ZNF821: variants seen among roughly 807,000 people sequenced by gnomAD.
The protein encoded by ZNF821 is zinc finger protein 821.
A neutral mutation model predicts 44.3 loss-of-function variants in ZNF821; 16 were observed. The ratio of observed to expected loss-of-function variants is 0.36; its 90% CI spans 0.24 to 0.55. The LOEUF is 0.55. Among genes scored for constraint, ZNF821 ranks in the 20% least tolerant of loss-of-function variants. The probability of loss-of-function intolerance (pLI) is 0.86; values close to 1 mark genes in which losing one functional copy is unlikely to be tolerated. For synonymous variants in ZNF821, 204 were observed against 197.6 expected, an observed-to-expected ratio of 1.03 and a Z score of -0.27; for missense variants, 436 against 547.6, an observed-to-expected ratio of 0.80 and a Z score of 2.03.
At position 71,864,958 on chromosome 16, in the gene ZNF821, T is replaced by G; in HGVS notation, c.257A>C (p.Lys86Thr). The G allele has an allele frequency of 6.2e-7, 1 of 1,614,122 alleles. No homozygotes were observed. The highest frequency in any genetic ancestry group is 8.5e-7 in the Non-Finnish European group (1 of 1,180,024). Reference sequence around the variant, plus strand: ...AGGCTGTTCTGTATTTTCTAACTCTTTCTCCACTTTGACCACCCCTCCATC... The same window carrying G: ...AGGCTGTTCTGTATTTTCTAACTCTGTCTCCACTTTGACCACCCCTCCATC... ...EEDGGVVKVE[K>T]ELENTEQPVG... Residue 86 changes from lysine to threonine, a missense_variant, in exon 5 of 8, where the codon AAA (lysine) becomes ACA (threonine). Lys to Thr is a moderately conservative substitution (Grantham distance 78, BLOSUM62 -1). This residue lies in a region of ZNF821 where 238 missense variants were observed against 281.4 expected (regional missense o/e 0.85). Coordinates refer to ENST00000425432, the MANE Select transcript of ZNF821 (RefSeq NM_001201552.2).
chr16:71,873,474 G>A (rs897332371), intron 3 of ZNF821, among the ~76,000 whole-genome samples: 2 of 152,152 alleles, frequency 1.3e-5, no homozygotes, highest in African/African-American at 4.8e-5. Context: ...TGTTAATGAA[G>A]TGAAGTGGGC....
At chr16:71,890,933 G>C (rs1188681179) in intron 1 of ZNF821, among the ~76,000 whole-genome samples, 1 of 151,724 alleles carries the variant, frequency 6.6e-6, no homozygotes, top group Non-Finnish European at 1.5e-5. Context: ...ACCACGCCCA[G>C]CTAATTTTTT....
chr16:71,880,062 C>G (rs970513361), intron 2 of ZNF821, 39 bp from the exon 3 acceptor site: 3 of 947,472 alleles, frequency 3.2e-6, no homozygotes, highest in Non-Finnish European at 4.6e-6. Flanking sequence ...ATGTCATTTT[C>G]CCCAGCAGTT....
At chr16:71,879,540 G>A (rs1355704521) in intron 3 of ZNF821, among the ~76,000 whole-genome samples, 5 of 151,916 alleles carry the variant, frequency 3.3e-5, no homozygotes, top group Non-Finnish European at 7.4e-5. Flanking sequence ...TATATCTGAG[G>A]TTACAATACG....
intron 3 of ZNF821, among the ~76,000 whole-genome samples, chr16:71,871,095 G>A (rs76599521): frequency 0.037 from 5,651 of 152,222 alleles, 325 homozygotes; most frequent in African/African-American, 0.13. Flanking sequence ...GAGCTCAAAA[G>A]TTATTTTTTT....
chr16:71,894,292 C>T (rs2036921465), intron 1 of ZNF821: 1 of 151,104 alleles, frequency 6.6e-6, no homozygotes, highest in Non-Finnish European at 1.5e-5. Flanking sequence ...AGACGTTTCG[C>T]TCTTGTTGCC....
In ZNF821 at chr16:71,863,039, G is replaced by A. The variant is rs1323472506; in HGVS notation, c.418-1097C>T. On this transcript the variant is annotated intron_variant, in intron 6 of 7. Coordinates refer to ENST00000425432, the MANE Select transcript of ZNF821 (RefSeq NM_001201552.2). ...TTCCCGAGTAGCTGGGATTATAGGCGTGCGCCACCACACCTGGATAATTTT... is the reference window on the plus strand; with the variant it reads ...TTCCCGAGTAGCTGGGATTATAGGCATGCGCCACCACACCTGGATAATTTT... 2.6e-5 allele frequency among the ~76,000 whole-genome samples: 4 copies of A among 152,008 alleles called. No homozygotes were observed. In the East Asian group the frequency reaches 7.7e-4, roughly 29 times the overall value.
At chr16:71,863,206 A>G (rs2034116459) in intron 6 of ZNF821, among the ~76,000 whole-genome samples, 2 of 151,956 alleles carry the variant, frequency 1.3e-5, no homozygotes, top group South Asian at 2.1e-4. Flanking sequence ...CATGTTAACT[A>G]ATTTTCTTTT....
At position 71,868,026 on chromosome 16, in the gene ZNF821, A is replaced by G. The variant is rs2034745048; in HGVS notation, c.52T>C (p.Phe18Leu). The change falls in exon 4 of 8, where the codon TTT becomes CTT. Residue 18 changes from phenylalanine (F) to leucine (L), a missense_variant. Physicochemically the swap from Phe to Leu is conservative, Grantham distance 22. Around this residue, in one of 5 missense-constraint regions of ZNF821, gnomAD observed 238 missense variants for 281.4 expected, o/e 0.85. Transcript: ENST00000425432. ...CGGGCTTGCTCTTCTAGCCCAGCAA[A>G]TACTTGATCCCCTGGTGGTCACAAG... The part of the protein sequence containing the change: ...NPNKVHWDQV[F>L]AGLEEQARQA... The G allele has an allele frequency of 6.5e-7, 1 of 1,535,372 alleles. No individual in the cohort carries two copies. The highest frequency in any genetic ancestry group is 1.2e-5 in the South Asian group (1 of 83,882).
At chr16:71,872,937 C>A (rs766347772) in intron 3 of ZNF821, among the ~76,000 whole-genome samples, 1 of 152,318 alleles carries the variant, frequency 6.6e-6, no homozygotes, top group Non-Finnish European at 1.5e-5. Flanking sequence ...AAGAGGTTTT[C>A]ATTTGCTTAG....
chr16:71,862,433 C>G (rs754956430), intron 6 of ZNF821, among the ~76,000 whole-genome samples: 5 of 152,208 alleles, frequency 3.3e-5, no homozygotes, highest in African/African-American at 4.8e-5. Flanking sequence ...CAAGATCACA[C>G]CACTGCACTC....
upstream of ZNF821, among the ~76,000 whole-genome samples, chr16:71,889,121 T>C (rs937090155): frequency 3.9e-5 from 6 of 152,178 alleles, no homozygotes; most frequent in Non-Finnish European, 7.3e-5. Context: ...TGGTGGCATG[T>C]ACCTGTAGTC....
intron 6 of ZNF821, 89 bp downstream of exon 6, chr16:71,864,049 C>T (rs1235339123): frequency 5.2e-6 from 6 of 1,156,602 alleles, no homozygotes; most frequent in Non-Finnish European, 6.5e-6. Flanking sequence ...CTTCAGGAGC[C>T]AGAGAGAGAC....
chr16:71,891,608 G>T (rs9806882), intron 1 of ZNF821: 121,713 of 152,170 alleles, frequency 0.8, 49,039 homozygotes, highest in East Asian at 0.98. Flanking sequence ...GCATGGTGGC[G>T]CACGCCTGTA....
At chr16:71,869,243 T>C (rs2034904605) in intron 3 of ZNF821, among the ~76,000 whole-genome samples, 1 of 152,170 alleles carries the variant, frequency 6.6e-6, no homozygotes, top group African/African-American at 2.4e-5. Context: ...AGCCAGGCCC[T>C]TTCCTGCTGA....
chr16:71,872,683 T>C (rs753569340), intron 3 of ZNF821, among the ~76,000 whole-genome samples: 1 of 152,200 alleles, frequency 6.6e-6, no homozygotes, highest in Non-Finnish European at 1.5e-5. Flanking sequence ...GTGAGGAGCT[T>C]AGGATTCCAT....
intron 7 of ZNF821, 134 bp downstream of exon 7, chr16:71,861,642 T>C (rs1372687014): frequency 1.0e-6 from 1 of 1,001,464 alleles, no homozygotes; most frequent in Non-Finnish European, 1.5e-6. Flanking sequence ...CCTAGCCTTC[T>C]TACTTGTACT....
Position 71,861,391 on chromosome 16 carries a change from G to T in ZNF821, c.584+385C>A, listed in dbSNP as rs146407732. The stretch of plus-strand genomic sequence containing the variant: ...TCCCTCACACTACCTGCATGCAAAG[G>T]CAGACTCTGCACTGTACACTAGACA... On this transcript the variant is annotated intron_variant, in intron 7 of 7. Coordinates refer to ENST00000425432, the MANE Select transcript of ZNF821 (RefSeq NM_001201552.2). Among the ~76,000 whole-genome samples, 28 of 152,308 alleles carry T rather than the reference G, an allele frequency of 1.8e-4. No homozygotes were observed. The East Asian group carries it at 3.9e-3, about 21-fold the overall frequency.
Position 71,860,633 on chromosome 16 carries a change from G to C in ZNF821, c.624C>G (p.Pro208=). 6.2e-7 allele frequency: 1 copy of C among 1,613,932 alleles called. No homozygotes were observed. The highest frequency in any genetic ancestry group is 1.1e-5 in the South Asian group (1 of 91,052). The part of the protein sequence containing the change: ...LPEVLNMESL[P]TVHNEGPSSA... ...TGGAGGGACCCTCATTGTGGACTGT[G>C]GGTAGGGATTCCATATTTAGTACTT... is the stretch of plus-strand genomic sequence containing the variant. The change falls in exon 8 of 8, where the codon CCC becomes CCG. Residue 208 remains proline, a synonymous_variant. Coordinates refer to ENST00000425432, the MANE Select transcript of ZNF821 (RefSeq NM_001201552.2). This position sits in a 1 kb window ranked among gnomAD's most constrained non-coding sequence, Gnocchi z 7.3.
Sources: gnomAD v4.1 joint callset for allele counts (sites outside exome capture counted in the v4.1 genomes callset) on GRCh38, gnomAD v4.1.1 for gene constraint, gnomAD v4.1.1 regional missense constraint, Gnocchi (gnomAD v3.1) non-coding constraint, MANE v1.5 for transcripts, NCBI Gene and HGNC (gene_info 2026-07-23, HGNC 2026-07-21) for gene names.